The following BCL2 variants were observed in gnomAD, a reference collection of about 807,000 sequenced individuals.
BCL2 encodes the protein apoptosis regulator Bcl-2.
BCL2 carries 1 observed loss-of-function variant against 14.2 expected under a neutral mutation model. That is an observed-to-expected ratio of 0.07 (90% CI 0.02 to 0.33). BCL2 has a LOEUF of 0.33. Among genes scored for constraint, BCL2 ranks in the 10% least tolerant of loss-of-function variants. The pLI, the probability that BCL2 is intolerant of heterozygous loss-of-function variation, is 0.99. For missense variants in BCL2, 247 were observed against 305.9 expected (o/e 0.81, Z 1.44); for synonymous variants, 151 against 137.2 (o/e 1.10, Z -0.70).
chr18:63,228,748 C>T (rs1461720456), intron 2 of BCL2, among the ~76,000 whole-genome samples: 3 of 151,324 alleles, frequency 2.0e-5, no homozygotes, highest in East Asian at 3.9e-4. Flanking sequence ...CTTGTTCTGC[C>T]GCCCAGCTGG....
chr18:63,188,819 C>A (rs1915652694), intron 2 of BCL2, among the ~76,000 whole-genome samples: 1 of 151,624 alleles, frequency 6.6e-6, no homozygotes, highest in Non-Finnish European at 1.5e-5. Flanking sequence ...TAATTTTTTT[C>A]TCATCAATAA....
intron 2 of BCL2, among the ~76,000 whole-genome samples, chr18:63,147,147 C>G (rs1372913192): frequency 6.6e-6 from 1 of 152,186 alleles, no homozygotes; most frequent in African/African-American, 2.4e-5. Flanking sequence ...CAATGGCAAG[C>G]TGTGGGGTCT....
intron 2 of BCL2, among the ~76,000 whole-genome samples, chr18:63,286,079 T>A (rs1473668107): frequency 6.6e-6 from 1 of 152,242 alleles, no homozygotes; most frequent in South Asian, 2.1e-4. Flanking sequence ...TTTGGCCATA[T>A]GGCAGCTGTT....
intron 2 of BCL2, among the ~76,000 whole-genome samples, chr18:63,210,089 T>A (rs1355047769): frequency 1.3e-5 from 2 of 152,052 alleles, no homozygotes; most frequent in Non-Finnish European, 2.9e-5. Flanking sequence ...ACCATCCAGC[T>A]TGAGGAAGCT....
chr18:63,128,792 AAG>A (rs1237088517), intron 2 of BCL2, 33 bp from the exon 3 acceptor site: 1 of 768,674 alleles, frequency 1.3e-6, no homozygotes, highest in Non-Finnish European at 2.4e-6. Context: ...AAGAAAAAGA[AAG>A]AGTATTAGAG....
intron 2 of BCL2, among the ~76,000 whole-genome samples, chr18:63,241,606 T>A (rs1308376786): frequency 6.6e-6 from 1 of 152,196 alleles, no homozygotes; most frequent in African/African-American, 2.4e-5. Context: ...GATCATCTGG[T>A]CTCTAATTTT....
At chr18:63,257,433 T>C (rs958734715) in intron 2 of BCL2, among the ~76,000 whole-genome samples, 3 of 152,256 alleles carry the variant, frequency 2.0e-5, no homozygotes, top group African/African-American at 7.2e-5. Flanking sequence ...TATGCTGTCA[T>C]TTTTCAAATG....
At chr18:63,156,087 C>CAAA (rs10640757) in intron 2 of BCL2, among the ~76,000 whole-genome samples, 5,319 of 64,102 alleles carry the variant, frequency 0.083, 472 homozygotes, top group African/African-American at 0.15. Flanking sequence ...GCTGAGAAGC[C>CAAA]AAAAAAAAAA....
intron 2 of BCL2, among the ~76,000 whole-genome samples, chr18:63,167,536 T>C (rs1329633845): frequency 6.6e-6 from 1 of 152,096 alleles, no homozygotes; most frequent in Non-Finnish European, 1.5e-5. Flanking sequence ...TCCTAGTGCT[T>C]TGGGAGGCCG....
At chr18:63,141,827 T>C (rs1054494499) in intron 2 of BCL2, among the ~76,000 whole-genome samples, 4 of 152,220 alleles carry the variant, frequency 2.6e-5, no homozygotes, top group African/African-American at 9.7e-5. Flanking sequence ...GACAGGCAAA[T>C]ATGCTCTACT....
chr18:63,183,293 G>A (rs1267108647), intron 2 of BCL2, among the ~76,000 whole-genome samples: 1 of 152,156 alleles, frequency 6.6e-6, no homozygotes, highest in African/African-American at 2.4e-5. Flanking sequence ...AGAAAGAAGA[G>A]GGCAGGTGTC....
chr18:63,204,770 A>G (rs966706453), intron 2 of BCL2, among the ~76,000 whole-genome samples: 1 of 152,226 alleles, frequency 6.6e-6, no homozygotes, highest in Non-Finnish European at 1.5e-5. Flanking sequence ...AAAAGCATGC[A>G]TTCTATGTAC....
chr18:63,149,844 C>CATTTATTTATATATTT lies in BCL2; in HGVS notation c.586-21086_586-21085insAAATATATAAATAAAT, dbSNP rs1914605700. On this transcript the variant is annotated intron_variant, in intron 2 of 2. Coordinates refer to ENST00000333681, the MANE Select transcript of BCL2 (RefSeq NM_000633.3). The surrounding 1 kb of genome is among the most constrained non-coding windows in gnomAD (Gnocchi z 4.2). ...CAGAAAGGGTTCTCCTGACATGAGG[C>CATTTATTTATATATTT]ATTTATTTATTTATTTATTTATTTA... 6.8e-6 allele frequency among the ~76,000 whole-genome samples: 1 copy of CATTTATTTATATATTT among 147,276 alleles called. No homozygotes were observed. The highest frequency in any genetic ancestry group is 2.5e-5 in the African/African-American group (1 of 39,614).
chr18:63,166,838 T>C lies in BCL2; in HGVS notation c.586-38079A>G, dbSNP rs555381155. ...TCGTCTTATACAGGTTTCTTTATCA[T>C]ATTGGTTGACTGATGTACTTCCCTC... On this transcript the variant is annotated intron_variant, in intron 2 of 2. Transcript: ENST00000333681. Among the ~76,000 whole-genome samples the C allele has an allele frequency of 3.9e-5, 6 of 152,348 alleles. No homozygotes were observed. In the South Asian group the frequency reaches 1.2e-3, roughly 32 times the overall value.
intron 2 of BCL2, among the ~76,000 whole-genome samples, chr18:63,254,238 G>C (rs1181761875): frequency 1.3e-5 from 2 of 151,986 alleles, no homozygotes; most frequent in African/African-American, 2.4e-5. Flanking sequence ...AACCAAAAAT[G>C]TGCTTAGACA....
chr18:63,269,033 C>T (rs964629040), intron 2 of BCL2, among the ~76,000 whole-genome samples: 2 of 151,760 alleles, frequency 1.3e-5, no homozygotes, highest in Non-Finnish European at 1.5e-5. Context: ...ACTGCAGCCT[C>T]AAATTCCTGG....
chr18:63,160,647 C>T (rs1481666450), intron 2 of BCL2, among the ~76,000 whole-genome samples: 1 of 152,130 alleles, frequency 6.6e-6, no homozygotes, highest in Admixed American at 6.5e-5. Flanking sequence ...GAATGTCTGG[C>T]CCAGGGTAGC....
chr18:63,298,712 TA>T (rs770895440), intron 2 of BCL2, among the ~76,000 whole-genome samples: 12 of 152,228 alleles, frequency 7.9e-5, no homozygotes, highest in African/African-American at 1.2e-4. Context: ...CCATTTTCAT[TA>T]CAAAACTAGT....
At chr18:63,257,520 G>A (rs1236924891) in intron 2 of BCL2, among the ~76,000 whole-genome samples, 3 of 152,214 alleles carry the variant, frequency 2.0e-5, no homozygotes, top group Non-Finnish European at 4.4e-5. Context: ...CGATAACACT[G>A]TTTATTGGTT....
Sources: gnomAD v4.1 joint callset for allele counts (sites outside exome capture counted in the v4.1 genomes callset) on GRCh38, gnomAD v4.1.1 for gene constraint, Gnocchi (gnomAD v3.1) non-coding constraint, MANE v1.5 for transcripts, NCBI Gene and HGNC (gene_info 2026-07-23, HGNC 2026-07-21) for gene names.